The following ABCB9 variants were observed in gnomAD, a reference collection of about 807,000 sequenced individuals.
ABCB9 encodes the protein ABC-type oligopeptide transporter ABCB9.
A neutral mutation model predicts 62.0 loss-of-function variants in ABCB9; 36 were observed. The observed-to-expected ratio is 0.58, with a 90% CI of 0.45 to 0.77. ABCB9 has a LOEUF of 0.77. ABCB9 is among the 30% of genes least tolerant of loss of function. The probability of loss-of-function intolerance (pLI) is 0.00; values close to 1 mark genes in which losing one functional copy is unlikely to be tolerated. For missense variants in ABCB9, 943 were observed against 1,054.7 expected (o/e 0.89, Z 1.47); for synonymous variants, 435 against 461.4 (o/e 0.94, Z 0.73).
chr12:122,920,872 C>T (rs955032099), downstream of ABCB9: 9 of 686,990 alleles, frequency 1.3e-5, no homozygotes, highest in African/African-American at 1.6e-4. Context: ...GAGATCGTAC[C>T]ACTGCACTCC....
intron 11 of ABCB9, among the ~76,000 whole-genome samples, chr12:122,921,976 C>T (rs137881583): frequency 3.0e-4 from 46 of 152,248 alleles, no homozygotes; most frequent in African/African-American, 1.1e-3. Flanking sequence ...GAATGCCAGG[C>T]CCCTGTTTCA....
chr12:122,962,497 G>C (rs531363332), intron 1 of ABCB9, among the ~76,000 whole-genome samples: 48 of 152,322 alleles, frequency 3.2e-4, no homozygotes, highest in African/African-American at 1.1e-3. Context: ...ACTGTGGCAT[G>C]ACTGGAACCT....
At position 122,929,332 on chromosome 12, in the gene ABCB9, G is replaced by T; in HGVS notation, c.*579C>A. ...CTTAGATTGGCAGCGGGCGATGGCA[G>T]ACAGATGCCCTCCACGCTCCCTACC... On this transcript the variant is annotated 3_prime_UTR_variant, in exon 12 of 12. Coordinates refer to ENST00000280560, the MANE Select transcript of ABCB9 (RefSeq NM_019625.4). The surrounding 1 kb of genome is among the most constrained non-coding windows in gnomAD (Gnocchi z 6.0). 1 of 985,990 alleles carries T rather than the reference G, an allele frequency of 1.0e-6. No homozygotes were observed. Among genetic ancestry groups the T allele is most frequent in the Non-Finnish European group, 1.2e-6 (1 of 830,042 alleles). The allele number at this position is 985,990 out of a possible 1,614,324, so 61.1% of individuals were successfully genotyped here. A position where few individuals can be genotyped will look rare whatever the true frequency, so the allele number is the denominator to read the frequency against.
At chr12:122,943,779 CCTTT>C (rs2035892232) in intron 7 of ABCB9, among the ~76,000 whole-genome samples, 1 of 150,202 alleles carries the variant, frequency 6.7e-6, no homozygotes, top group African/African-American at 2.5e-5. Context: ...CGCACCTGGC[CCTTT>C]CTTTCTTTTT....
downstream of ABCB9, chr12:122,924,942 A>T: frequency 3.1e-6 from 3 of 955,630 alleles, no homozygotes; most frequent in African/African-American, 1.6e-5. Flanking sequence ...TTTGAGACAG[A>T]GTCTCACTCT....
intron 1 of ABCB9, 95 bp from the exon 2 acceptor site, chr12:122,960,417 T>G (rs560530315): frequency 1.2e-6 from 1 of 821,938 alleles, no homozygotes; most frequent in African/African-American, 1.7e-5. Context: ...TCTCTGAGCC[T>G]TAGTTTTCTC....
rs140451259 is a variant in ABCB9 at position 122,950,479 on chromosome 12, C to T, written c.688G>A (p.Val230Ile). The T allele has an allele frequency of 1.1e-4, 177 of 1,612,512 alleles. No homozygotes were observed. Among genetic ancestry groups the T allele is most frequent in the African/African-American group, 2.0e-4 (15 of 74,924 alleles). Reference sequence around the variant, plus strand: ...CCAATGGCCAGCAGGCACACGATGACGACAGCCGTGCTGAACTGATCCATG... The same window carrying T: ...CCAATGGCCAGCAGGCACACGATGATGACAGCCGTGCTGAACTGATCCATG... ...KSMDQFSTAV[V>I]IVCLLAIGSS... Residue 230 changes from valine (V) to isoleucine (I), a missense_variant, in exon 3 of 12, where the codon GTC becomes ATC. Physicochemically the swap from Val to Ile is conservative, Grantham distance 29 (BLOSUM62 3). Transcript: ENST00000280560.
intron 2 of ABCB9, among the ~76,000 whole-genome samples, chr12:122,958,169 CAAA>C (rs34917345): frequency 1.7e-4 from 12 of 72,242 alleles, no homozygotes; most frequent in South Asian, 5.9e-4. Flanking sequence ...GACTCCATCT[CAAA>C]AAAAAAAAAA....
At chr12:122,936,542 G>A (rs1342640084) in intron 9 of ABCB9, among the ~76,000 whole-genome samples, 2 of 152,118 alleles carry the variant, frequency 1.3e-5, no homozygotes, top group Non-Finnish European at 2.9e-5. Flanking sequence ...AAGGTGGGAG[G>A]ATGGCTTGAG....
intron 4 of ABCB9, 109 bp from the exon 5 acceptor site, chr12:122,948,938 AC>A: frequency 1.1e-5 from 4 of 355,662 alleles, no homozygotes; most frequent in Non-Finnish European, 1.7e-5. Context: ...GGGCCTCCCT[AC>A]CTGTGGGCGG....
chr12:122,970,585 A>C (rs912253590), upstream of ABCB9, among the ~76,000 whole-genome samples: 3 of 152,182 alleles, frequency 2.0e-5, no homozygotes, highest in African/African-American at 7.2e-5. Flanking sequence ...CAACACGAAG[A>C]AATGATAGAT....
In ABCB9 at chr12:122,940,089, T is replaced by G; in HGVS notation, c.1743+22A>C. The G allele has an allele frequency of 1.9e-6, 3 of 1,598,448 alleles. No homozygotes were observed. The highest frequency in any genetic ancestry group is 2.6e-6 in the Non-Finnish European group (3 of 1,172,074). On this transcript the variant is annotated intron_variant, in intron 9 of 11. Coordinates refer to ENST00000280560, the MANE Select transcript of ABCB9 (RefSeq NM_019625.4). The surrounding 1 kb of genome is among the most constrained non-coding windows in gnomAD (Gnocchi z 4.8). ...TAGATGCAGAAAGGGCGGAGAAGTG[T>G]GGCCCAGGCCCGTGCACATACCACA...
downstream of ABCB9, chr12:122,924,621 C>G (rs4534620): frequency 0.031 from 44,706 of 1,443,302 alleles, 10,758 homozygotes; most frequent in African/African-American, 0.54. Flanking sequence ...TGAAGACAAA[C>G]TCTAATGTGG....
chr12:122,962,510 C>T (rs1270187404), intron 1 of ABCB9, among the ~76,000 whole-genome samples: 2 of 152,204 alleles, frequency 1.3e-5, no homozygotes, highest in African/African-American at 2.4e-5. Context: ...TGGAACCTCA[C>T]ACAGTCCCAC....
At position 122,930,153 on chromosome 12, in the gene ABCB9, C is replaced by T. The variant is rs2035070996; in HGVS notation, c.2059G>A (p.Gly687Ser). The change falls in exon 12 of 12, where the codon GGC becomes AGC. Residue 687 changes from glycine (G) to serine (S), a missense_variant. Physicochemically the swap from Gly to Ser is moderately conservative, Grantham distance 56. Transcript: ENST00000280560. The surrounding 1 kb of genome is among the most constrained non-coding windows in gnomAD (Gnocchi z 4.9). ...AGTACCGTGTGCTTCTGCAGGTTGC[C>T]ATGGATGGCCTGCTGGATCTGCGGG... ...SEYLIQQAIHGNLQKHTVLII... is the reference protein window; with the variant it reads ...SEYLIQQAIHSNLQKHTVLII... 6.5e-7 allele frequency: 1 copy of T among 1,549,188 alleles called. No individual in the cohort carries two copies. The highest frequency in any genetic ancestry group is 8.7e-7 in the Non-Finnish European group (1 of 1,145,202).
chr12:122,937,695 T>C (rs2035531000), intron 9 of ABCB9, among the ~76,000 whole-genome samples: 2 of 152,244 alleles, frequency 1.3e-5, no homozygotes, highest in South Asian at 4.1e-4. Context: ...ATGCACATGG[T>C]GTGGGCAGAT....
rs1313695728 is a variant in ABCB9 at position 122,940,742 on chromosome 12, G to A, written c.1569+65C>T. The A allele has an allele frequency of 6.8e-7, 1 of 1,478,496 alleles. No homozygotes were observed. The highest frequency in any genetic ancestry group is 9.1e-7 in the Non-Finnish European group (1 of 1,101,516). The allele number at this position is 1,478,496 out of a possible 1,614,324, so 91.6% of individuals were successfully genotyped here. A position where few individuals can be genotyped will look rare whatever the true frequency, so the allele number is the denominator to read the frequency against. On this transcript the variant is annotated intron_variant, in intron 8 of 11. Transcript: ENST00000280560. The surrounding 1 kb of genome is among the most constrained non-coding windows in gnomAD (Gnocchi z 4.8). ...CTGCCCTGCCACAGCCTGGTGTATA[G>A]GAGGTGCACCAGAAATGGGGTGACG...
chr12:122,951,813 G>C (rs2036382932), intron 2 of ABCB9: 1 of 152,180 alleles, frequency 6.6e-6, no homozygotes, highest in Admixed American at 6.5e-5. Flanking sequence ...ATTTACTCCA[G>C]GTCACACAGC....
Position 122,932,918 on chromosome 12 carries a change from T to A in ABCB9, c.1904-590A>T, listed in dbSNP as rs2035266028. 1.3e-5 allele frequency among the ~76,000 whole-genome samples: 2 copies of A among 152,134 alleles called. No individual in the cohort carries two copies. Among genetic ancestry groups the A allele is most frequent in the African/African-American group, 4.8e-5 (2 of 41,420 alleles). On this transcript the variant is annotated intron_variant, in intron 10 of 11. Coordinates refer to ENST00000280560, the MANE Select transcript of ABCB9 (RefSeq NM_019625.4). This position sits in a 1 kb window ranked among gnomAD's most constrained non-coding sequence, Gnocchi z 4.7. ...AATTATTATTATTTTAGAGACAGGG[T>A]CTCACTCTCTCACCCACGCTAGAGT...
Sources: gnomAD v4.1 joint callset for allele counts (sites outside exome capture counted in the v4.1 genomes callset) on GRCh38, gnomAD v4.1.1 for gene constraint, Gnocchi (gnomAD v3.1) non-coding constraint, MANE v1.5 for transcripts, NCBI Gene and HGNC (gene_info 2026-07-23, HGNC 2026-07-21) for gene names.